Variants in CAST observed in about 807,000 individuals in gnomAD.
CAST encodes the protein calpastatin, also known as MIR583 host.
In CAST, 76 loss-of-function variants were observed where a neutral mutation model predicts 119.6. That is an observed-to-expected ratio of 0.64 (90% CI 0.53 to 0.77). CAST has a LOEUF of 0.77. CAST is among the 30% of genes least tolerant of loss of function. CAST has a pLI of 0.00. For missense variants in CAST, 953 were observed against 946.5 expected (o/e 1.01, Z -0.09); for synonymous variants, 319 against 331.6 (o/e 0.96, Z 0.41).
the CAST span, among the ~76,000 whole-genome samples, chr5:96,180,607 T>A: frequency 6.6e-6 from 1 of 152,172 alleles, no homozygotes; most frequent in Non-Finnish European, 1.5e-5. Flanking sequence ...AAGGGGAAAT[T>A]TGAAAAATAA....
chr5:96,053,622 T>A, the CAST span, among the ~76,000 whole-genome samples: 1 of 152,216 alleles, frequency 6.6e-6, no homozygotes, highest in African/African-American at 2.4e-5. Flanking sequence ...ACATAAGCAA[T>A]CTTCTTGTAG....
chr5:95,963,951 G>A, the CAST span, among the ~76,000 whole-genome samples: 18 of 151,858 alleles, frequency 1.2e-4, no homozygotes, highest in African/African-American at 3.9e-4. Flanking sequence ...GAGTAAGGAT[G>A]GTTTTCGTTG....
chr5:96,622,857 CT>C (rs5869727), intron 1 of CAST, among the ~76,000 whole-genome samples: 1,925 of 64,320 alleles, frequency 0.03, 8 homozygotes, highest in Non-Finnish European at 0.039. Context: ...TTATGGGACT[CT>C]TTTTTTTTTT....
chr5:96,094,613 T>C, the CAST span, among the ~76,000 whole-genome samples: 1 of 152,170 alleles, frequency 6.6e-6, no homozygotes, highest in Non-Finnish European at 1.5e-5. Flanking sequence ...TAGATAGAAT[T>C]ATCATTCCCA....
the CAST span, among the ~76,000 whole-genome samples, chr5:96,443,475 G>A: frequency 6.6e-6 from 1 of 152,154 alleles, no homozygotes; most frequent in African/African-American, 2.4e-5. Context: ...AAAGCCACAT[G>A]CCAATTTTGA....
chr5:96,095,391 G>A, the CAST span, among the ~76,000 whole-genome samples: 1 of 151,334 alleles, frequency 6.6e-6, no homozygotes, highest in African/African-American at 2.4e-5. Flanking sequence ...GTGACATAGA[G>A]ACACCCCTGT....
the CAST span, among the ~76,000 whole-genome samples, chr5:96,096,784 C>G: frequency 6.6e-6 from 1 of 152,138 alleles, no homozygotes; most frequent in Non-Finnish European, 1.5e-5. Context: ...TTGGGTCCAG[C>G]AGATCCCTAA....
At chr5:96,681,484 A>C (rs538107595) in intron 2 of CAST, among the ~76,000 whole-genome samples, 1 of 152,224 alleles carries the variant, frequency 6.6e-6, no homozygotes, top group East Asian at 1.9e-4. Flanking sequence ...CTGTAATCCC[A>C]GCACTTTGGG....
the CAST span, among the ~76,000 whole-genome samples, chr5:96,212,858 C>T: frequency 6.6e-6 from 1 of 152,162 alleles, no homozygotes; most frequent in Non-Finnish European, 1.5e-5. Flanking sequence ...TGATCCATGC[C>T]TGTAATCCCA....
At chr5:95,986,259 C>T in the CAST span, 1 of 152,220 alleles carries the variant, frequency 6.6e-6, no homozygotes, top group African/African-American at 2.4e-5. Flanking sequence ...TCAGAACATA[C>T]GCAGTCTCCT....
At chr5:96,596,773 A>C (rs2150192972) in intron 1 of CAST, among the ~76,000 whole-genome samples, 1 of 152,290 alleles carries the variant, frequency 6.6e-6, no homozygotes, top group South Asian at 2.1e-4. Context: ...CTCAGCTGCC[A>C]ACAGGTTTTT....
At chr5:96,016,046 C>T in the CAST span, among the ~76,000 whole-genome samples, 1 of 152,160 alleles carries the variant, frequency 6.6e-6, no homozygotes, top group Non-Finnish European at 1.5e-5. Context: ...GGTGACCTAG[C>T]TTAAAGAGTT....
chr5:96,461,493 A>G, the CAST span, among the ~76,000 whole-genome samples: 1 of 152,088 alleles, frequency 6.6e-6, no homozygotes, highest in Non-Finnish European at 1.5e-5. Context: ...GGAAGGTTCT[A>G]ATATCTCCAC....
the CAST span, among the ~76,000 whole-genome samples, chr5:96,013,401 A>G: frequency 8.5e-5 from 13 of 152,156 alleles, no homozygotes; most frequent in Non-Finnish European, 1.5e-5. Context: ...ATATATTCAC[A>G]TATCAGTATA....
chr5:96,444,789 A>G, the CAST span, among the ~76,000 whole-genome samples: 1 of 152,072 alleles, frequency 6.6e-6, no homozygotes, highest in African/African-American at 2.4e-5. Flanking sequence ...TGCAAAAATA[A>G]GGTGACCACT....
intron 1 of CAST, among the ~76,000 whole-genome samples, chr5:96,671,887 T>G (rs1274992290): frequency 6.6e-6 from 1 of 152,202 alleles, no homozygotes; most frequent in Admixed American, 6.5e-5. Flanking sequence ...TTTCATTCCA[T>G]CCTCTCAGTT....
chr5:96,378,815 G>A, the CAST span, among the ~76,000 whole-genome samples: 1 of 151,808 alleles, frequency 6.6e-6, no homozygotes, highest in Non-Finnish European at 1.5e-5. Flanking sequence ...TTCTAGTTTA[G>A]AATTTTAAAA....
At chr5:96,195,797 A>G in the CAST span, among the ~76,000 whole-genome samples, 34 of 152,344 alleles carry the variant, frequency 2.2e-4, no homozygotes, top group Non-Finnish European at 3.5e-4. Flanking sequence ...TTTTTTATTT[A>G]CAAGATCAGC....
the CAST span, among the ~76,000 whole-genome samples, chr5:95,980,872 C>T: frequency 6.6e-6 from 1 of 152,084 alleles, no homozygotes; most frequent in African/African-American, 2.4e-5. Flanking sequence ...GCCAAACATG[C>T]TAGATCAGAG....
Sources: allele counts gnomAD v4.1 joint callset (sites outside exome capture counted in the v4.1 genomes callset), GRCh38; gene constraint gnomAD v4.1.1; transcripts MANE v1.5; gene names NCBI Gene and HGNC (gene_info 2026-07-23, HGNC 2026-07-21).